Variants in CNTLN observed in about 807,000 individuals in gnomAD.
CNTLN encodes centlein.
In CNTLN, 212 loss-of-function variants were observed where a neutral mutation model predicts 180.0. That is an observed-to-expected ratio of 1.18 (90% CI 1.05 to 1.32). CNTLN has a LOEUF of 1.32. CNTLN is among the 40% of genes most tolerant of loss of function. The pLI, the probability that CNTLN is intolerant of heterozygous loss-of-function variation, is 0.00. For synonymous variants in CNTLN, 722 were observed against 563.1 expected (o/e 1.28, Z -3.99); for missense variants, 2,095 against 1,610.9 (o/e 1.30, Z -5.14).
At chr9:17,399,658 A>G (rs1826815123) in intron 15 of CNTLN, among the ~76,000 whole-genome samples, 1 of 152,202 alleles carries the variant, frequency 6.6e-6, no homozygotes, top group African/African-American at 2.4e-5. Context: ...AACAGATGAT[A>G]ACAACTGATG....
intron 2 of CNTLN, among the ~76,000 whole-genome samples, chr9:17,205,056 A>G (rs948240007): frequency 6.6e-6 from 1 of 152,118 alleles, no homozygotes; most frequent in Non-Finnish European, 1.5e-5. Flanking sequence ...CGATCATCCC[A>G]GGTCGACTTC....
At chr9:17,290,267 C>T (rs574306664) in intron 6 of CNTLN, among the ~76,000 whole-genome samples, 135 of 151,938 alleles carry the variant, frequency 8.9e-4, no homozygotes, top group Admixed American at 4.6e-4. Context: ...AATACCCTGC[C>T]ATGTGAGGTG....
intron 23 of CNTLN, among the ~76,000 whole-genome samples, chr9:17,470,987 A>C (rs1324519756): frequency 6.6e-6 from 1 of 152,048 alleles, no homozygotes; most frequent in Non-Finnish European, 1.5e-5. Flanking sequence ...AGATTTATAA[A>C]CAGGTCTATG....
chr9:17,507,677 A>T (rs1398495491), downstream of CNTLN, among the ~76,000 whole-genome samples: 1 of 152,168 alleles, frequency 6.6e-6, no homozygotes, highest in Admixed American at 6.6e-5. Context: ...GTGACATGAA[A>T]TCTTTCATCA....
At chr9:17,295,439 G>C (rs975423202) in intron 6 of CNTLN, among the ~76,000 whole-genome samples, 2 of 152,152 alleles carry the variant, frequency 1.3e-5, no homozygotes, top group Non-Finnish European at 2.9e-5. Context: ...GTAGGAGCTC[G>C]CATTACTCTG....
chr9:17,276,694 A>G (rs1265306357), intron 6 of CNTLN, among the ~76,000 whole-genome samples: 1 of 152,060 alleles, frequency 6.6e-6, no homozygotes, highest in Non-Finnish European at 1.5e-5. Flanking sequence ...TAAAATCTAC[A>G]GATGCTCAAG....
chr9:17,510,086 T>C, the CNTLN span, among the ~76,000 whole-genome samples: 2 of 152,120 alleles, frequency 1.3e-5, no homozygotes, highest in African/African-American at 2.4e-5. Flanking sequence ...TACTATGCCA[T>C]GTGGTTAAAG....
intron 15 of CNTLN, among the ~76,000 whole-genome samples, chr9:17,405,512 A>G (rs1365956030): frequency 6.6e-6 from 1 of 151,708 alleles, no homozygotes; most frequent in Non-Finnish European, 1.5e-5. Flanking sequence ...TGCTTTTATA[A>G]CAAGCCTGTT....
intron 2 of CNTLN, among the ~76,000 whole-genome samples, chr9:17,186,698 C>G (rs1490286474): frequency 1.3e-5 from 2 of 152,090 alleles, no homozygotes; most frequent in African/African-American, 2.4e-5. Context: ...ATTTATAAGG[C>G]ACACTAAGCA....
intron 6 of CNTLN, among the ~76,000 whole-genome samples, chr9:17,274,968 TA>T (rs1234936194): frequency 1.3e-5 from 2 of 152,128 alleles, no homozygotes; most frequent in Admixed American, 1.3e-4. Flanking sequence ...TATCACATTT[TA>T]AAAACTTTCT....
At chr9:17,360,111 C>G (rs1430281570) in intron 12 of CNTLN, among the ~76,000 whole-genome samples, 4 of 152,040 alleles carry the variant, frequency 2.6e-5, no homozygotes, top group African/African-American at 9.7e-5. Context: ...TTTGCTGTGC[C>G]TTACAAATTT....
At chr9:17,489,322 T>G (rs1237737144) in intron 25 of CNTLN, among the ~76,000 whole-genome samples, 1 of 152,150 alleles carries the variant, frequency 6.6e-6, no homozygotes, top group Non-Finnish European at 1.5e-5. Flanking sequence ...TATTGCTCAT[T>G]GGGTATGAGC....
At chr9:17,345,591 A>T (rs547285295) in intron 12 of CNTLN, among the ~76,000 whole-genome samples, 1 of 151,488 alleles carries the variant, frequency 6.6e-6, no homozygotes, top group East Asian at 1.9e-4. Context: ...ACCTTATTAC[A>T]GTCTACTGGT....
intron 1 of CNTLN, among the ~76,000 whole-genome samples, chr9:17,142,559 G>A (rs566611934): frequency 3.3e-5 from 5 of 152,240 alleles, no homozygotes; most frequent in African/African-American, 1.2e-4. Context: ...TAGAGGAAAT[G>A]GCTCTAGATA....
rs1563909537 is a variant in CNTLN at position 17,236,530 on chromosome 9, T to G, written c.791T>G (p.Leu264Trp). The G allele has an allele frequency of 6.2e-7, 1 of 1,613,430 alleles. No homozygotes were observed. The highest frequency in any genetic ancestry group is 8.5e-7 in the Non-Finnish European group (1 of 1,179,700). ...GACCTGCTAAATGACCTGGAGAAAT[T>G]GAGGAAGCAGGAAGCACATTTGAGA... ...CTDLLNDLEK[L>W]RKQEAHLRKE... Residue 264 changes from leucine to tryptophan, a missense_variant, in exon 5 of 26, where the codon TTG becomes TGG. Transcript: ENST00000380647.
rs111648396 is a variant in CNTLN at position 17,214,685 on chromosome 9, G to C, written c.450-11518G>C. ...GGTTCCATTGTCCCCATCATTTTCA[G>C]GTACACCAATTAGATGTAGATTTGG... On this transcript the variant is annotated intron_variant, in intron 2 of 25. Coordinates refer to ENST00000380647, the MANE Select transcript of CNTLN (RefSeq NM_017738.4). Among the ~76,000 whole-genome samples the C allele has an allele frequency of 1.3e-3, 196 of 152,242 alleles. 2 individuals are homozygous for C. The highest frequency in any genetic ancestry group is 4.6e-3 in the African/African-American group (191 of 41,550).
chr9:17,354,750 G>T (rs946343752), intron 12 of CNTLN, among the ~76,000 whole-genome samples: 6 of 152,078 alleles, frequency 3.9e-5, no homozygotes, highest in Non-Finnish European at 8.8e-5. Context: ...ATAAAAGCAG[G>T]CTGCCCGAGC....
At chr9:17,408,869 C>CT (rs1308162107) in intron 15 of CNTLN, among the ~76,000 whole-genome samples, 2 of 151,438 alleles carry the variant, frequency 1.3e-5, no homozygotes, top group Non-Finnish European at 2.9e-5. Context: ...GATAAATAGC[C>CT]ATAAGGGATG....
chr9:17,288,394 C>A (rs1191736466), intron 6 of CNTLN, among the ~76,000 whole-genome samples: 1 of 137,540 alleles, frequency 7.3e-6, no homozygotes, highest in East Asian at 2.0e-4. Context: ...AATTTCTGTT[C>A]TTTTACATTT....
Sources: allele counts gnomAD v4.1 joint callset (sites outside exome capture counted in the v4.1 genomes callset), GRCh38; gene constraint gnomAD v4.1.1; transcripts MANE v1.5; gene names NCBI Gene and HGNC (gene_info 2026-07-23, HGNC 2026-07-21).